The following HEPH variants were observed in gnomAD, a reference collection of about 807,000 sequenced individuals.
HEPH encodes hephaestin.
Under a neutral mutation model 80.8 loss-of-function variants are expected in HEPH, and 69 were observed. The ratio of observed to expected loss-of-function variants is 0.85; its 90% CI spans 0.70 to 1.04. The LOEUF is 1.04. Among genes scored for constraint, HEPH ranks in the 50% least tolerant of loss-of-function variants. HEPH has a pLI of 0.00. For missense variants in HEPH, 1,115 were observed against 891.3 expected (o/e 1.25, Z -3.20); for synonymous variants, 431 against 322.8 (o/e 1.34, Z -3.60).
At chrX:66,249,101 T>C (rs2090917496) in intron 15 of HEPH, among the ~76,000 whole-genome samples, 1 of 111,385 alleles carries the variant, frequency 9.0e-6, no homozygotes, top group African/African-American at 3.3e-5. Context: ...ATGAACAGTA[T>C]AGAGGACCCA....
chrX:66,202,975 T>A (rs1174281720), intron 12 of HEPH, among the ~76,000 whole-genome samples: 1 of 104,596 alleles, frequency 9.6e-6, no homozygotes, highest in African/African-American at 3.5e-5. Flanking sequence ...TTTTTATATA[T>A]GTATATATAT....
At chrX:66,252,060 G>C (rs2091023406) in intron 15 of HEPH, among the ~76,000 whole-genome samples, 1 of 111,702 alleles carries the variant, frequency 9.0e-6, no homozygotes, top group Non-Finnish European at 1.9e-5. Context: ...GACTATGGTG[G>C]TAGCAGTGGA....
At chrX:66,226,293 C>T (rs1336843153) in intron 15 of HEPH, among the ~76,000 whole-genome samples, 1 of 111,365 alleles carries the variant, frequency 9.0e-6, no homozygotes, top group Admixed American at 9.6e-5. Flanking sequence ...GGGGTGGTCT[C>T]CTCCCTTACT....
Position 66,255,070 on chromosome X carries a change from A to T in HEPH, c.2599A>T (p.Arg867Trp), listed in dbSNP as rs61741156. Residue 867 changes from arginine (R) to tryptophan (W), a missense_variant, in exon 16 of 21, where the codon AGG (arginine) becomes TGG (tryptophan). Around this residue, in one of 3 missense-constraint regions of HEPH, gnomAD observed 716 missense variants for 523.5 expected, o/e 1.37. Coordinates refer to ENST00000343002, the MANE Select transcript of HEPH (RefSeq NM_001367233.3). The part of the protein sequence containing the change: ...VVTYQWNIPE[R>W]SGPGPNDSAC... ...CACTTATCAGTGGAACATCCCAGAG[A>T]GGTCTGGCCCTGGGCCCAATGACTC... is the stretch of plus-strand genomic sequence containing the variant. The T allele has an allele frequency of 1.0e-3, 1,245 of 1,204,757 alleles. 12 individuals carry two copies. The African/African-American group carries it at 0.019, about 19-fold the overall frequency.
intron 15 of HEPH, among the ~76,000 whole-genome samples, chrX:66,210,494 G>C (rs1160410568): frequency 9.0e-6 from 1 of 111,361 alleles, no homozygotes; most frequent in Non-Finnish European, 1.9e-5. Context: ...GGACTAATAG[G>C]CTAGAGTGTT....
At chrX:66,190,090 C>T in intron 6 of HEPH, 152 bp downstream of exon 6, 1 of 564,647 alleles carries the variant, frequency 1.8e-6, no homozygotes. Flanking sequence ...AGTCAGGGGA[C>T]CCAGGTTTTT....
At chrX:66,236,172 C>T (rs762206345) in intron 15 of HEPH, among the ~76,000 whole-genome samples, 3 of 111,356 alleles carry the variant, frequency 2.7e-5, no homozygotes, top group Admixed American at 9.5e-5. Flanking sequence ...GAGAGTGCAT[C>T]CTCTTCTCGT....
intron 4 of HEPH, among the ~76,000 whole-genome samples, chrX:66,186,837 C>T (rs757629021): frequency 6.3e-5 from 7 of 111,851 alleles, no homozygotes; most frequent in Non-Finnish European, 1.3e-4. Flanking sequence ...TTTTAGAATT[C>T]CCTTCTTCCT....
intron 17 of HEPH, among the ~76,000 whole-genome samples, chrX:66,257,984 T>G (rs1238776718): frequency 1.8e-5 from 2 of 112,016 alleles, no homozygotes; most frequent in Non-Finnish European, 3.8e-5. Context: ...TCATTATTAA[T>G]TCCATGCATT....
Position 66,208,156 on chromosome X carries a change from G to A in HEPH, c.2473G>A (p.Val825Ile), listed in dbSNP as rs751446459. The A allele has an allele frequency of 2.5e-6, 3 of 1,201,004 alleles. No homozygotes were observed. In the Admixed American group the frequency reaches 6.6e-5, roughly 26 times the overall value. Residue 825 changes from valine (V) to isoleucine (I), a missense_variant, in exon 15 of 21, where the codon GTA (valine) becomes ATA (isoleucine). Val to Ile is a conservative substitution (Grantham distance 29). This residue lies in a region of HEPH where 716 missense variants were observed against 523.5 expected (regional missense o/e 1.37). Coordinates refer to ENST00000343002, the MANE Select transcript of HEPH (RefSeq NM_001367233.3). ...KGEVGDILTV[V>I]FKNNASRPYS... ...TGAAGTTGGTGATATCCTGACTGTGGTATTCAAGAATAATGCCAGCCGCCC... is the reference window on the plus strand; with the variant it reads ...TGAAGTTGGTGATATCCTGACTGTGATATTCAAGAATAATGCCAGCCGCCC...
At chrX:66,173,195 T>G (rs1253628774) in intron 3 of HEPH, among the ~76,000 whole-genome samples, 2 of 112,332 alleles carry the variant, frequency 1.8e-5, no homozygotes, top group African/African-American at 3.2e-5. Context: ...AATTAATCAT[T>G]AAGTTGACTG....
intron 9 of HEPH, 36 bp from the exon 10 acceptor site, chrX:66,197,647 T>C: frequency 9.2e-7 from 1 of 1,091,426 alleles, no homozygotes; most frequent in South Asian, 1.8e-5. Flanking sequence ...CTCATTCTAG[T>C]CAATCTAAGT....
chrX:66,205,061 G>A (rs887326307), intron 13 of HEPH, among the ~76,000 whole-genome samples: 9 of 111,415 alleles, frequency 8.1e-5, no homozygotes, highest in Admixed American at 1.9e-4. Flanking sequence ...TTTTTCAACC[G>A]TTTTCCGCAT....
rs749209245 is a variant in HEPH, at chrX:66,222,035, G to A, written c.2563+13789G>A. ...GTACAAGTGCCACTCCAGTTATTTG[G>A]CAGAGTGCCCAGTGAAGGTCTACCA... is the stretch of plus-strand genomic sequence containing the variant. On this transcript the variant is annotated intron_variant, in intron 15 of 20. Transcript: ENST00000343002. Among the ~76,000 whole-genome samples the A allele has an allele frequency of 1.1e-4, 12 of 112,775 alleles. No homozygotes were observed. In the South Asian group the frequency reaches 1.5e-3, roughly 14 times the overall value.
intron 15 of HEPH, among the ~76,000 whole-genome samples, chrX:66,231,293 G>T (rs1331575387): frequency 1.8e-5 from 2 of 108,388 alleles, no homozygotes; most frequent in South Asian, 4.1e-4. Flanking sequence ...CTTTGAAGTA[G>T]TTTTTTCCAA....
chrX:66,251,139 T>C (rs1156657578), intron 15 of HEPH, among the ~76,000 whole-genome samples: 2 of 112,565 alleles, frequency 1.8e-5, no homozygotes, highest in Admixed American at 1.9e-4. Context: ...CACTGTGGCC[T>C]CCCAGTGTGC....
At chrX:66,170,440 G>T in intron 1 of HEPH, 118 bp from the exon 2 acceptor site, 2 of 523,612 alleles carry the variant, frequency 3.8e-6, no homozygotes, top group South Asian at 3.9e-5. Flanking sequence ...TGGGCTAAAT[G>T]GGTTTTGCTT....
intron 20 of HEPH, 112 bp from the exon 21 acceptor site, chrX:66,266,328 G>C (rs760606171): frequency 2.7e-5 from 14 of 513,956 alleles, no homozygotes; most frequent in Non-Finnish European, 4.3e-5. Context: ...GATAAGGACA[G>C]GCCTCCTGTC....
chrX:66,186,310 C>T lies in HEPH; in HGVS notation c.626-2049C>T, dbSNP rs1389723127. Among the ~76,000 whole-genome samples the T allele has an allele frequency of 4.9e-4, 52 of 106,142 alleles. No homozygotes were observed. In the East Asian group the frequency reaches 0.011, roughly 23 times the overall value. The allele number at this position is 106,142 out of a possible 115,157, so 92.2% of individuals were successfully genotyped here. On this transcript the variant is annotated intron_variant, in intron 4 of 20. Coordinates refer to ENST00000343002, the MANE Select transcript of HEPH (RefSeq NM_001367233.3). The stretch of plus-strand genomic sequence containing the variant: ...GGCGCCCCTCCCCCAGCCTCGTTGC[C>T]GCCTTGCAGTTTGATCTCAGACTGC...
Sources: gnomAD v4.1 joint callset for allele counts (sites outside exome capture counted in the v4.1 genomes callset) on GRCh38, gnomAD v4.1.1 for gene constraint, gnomAD v4.1.1 regional missense constraint, MANE v1.5 for transcripts, NCBI Gene and HGNC (gene_info 2026-07-23, HGNC 2026-07-21) for gene names.